NEU4: variants seen among roughly 807,000 people sequenced by gnomAD.
NEU4 encodes the protein sialidase-4.
A neutral mutation model predicts 9.9 loss-of-function variants in NEU4; 7 were observed. That is an observed-to-expected ratio of 0.71 (90% CI 0.40 to 1.33). NEU4 has a LOEUF of 1.33. Among genes scored for constraint, NEU4 ranks in the 40% most tolerant of loss-of-function variants. The pLI, the probability that NEU4 is intolerant of heterozygous loss-of-function variation, is 0.01. For synonymous variants in NEU4, 348 were observed against 316.9 expected, an observed-to-expected ratio of 1.10 and a Z score of -1.04; for missense variants, 717 against 712.6, an observed-to-expected ratio of 1.01 and a Z score of -0.07.
Position 241,816,873 on chromosome 2 carries a change from C to G in NEU4, c.1280C>G (p.Pro427Arg), listed in dbSNP as rs770027529. ...TACTCCGACCTGGCGTCCATCGGGC[C>G]GGCCCCTGAGGGGGGCCTGGTTTTT... ...SGYSDLASIG[P>R]APEGGLVFAC... is the part of the protein sequence containing the mutation. The change falls in exon 4 of 4, where the codon CCG becomes CGG. Residue 427 changes from proline to arginine, a missense_variant. By Grantham distance (103) the Pro-to-Arg change is moderately radical. Transcript: ENST00000407683. 4.3e-6 allele frequency: 7 copies of G among 1,612,578 alleles called. No homozygotes were observed. The highest frequency in any genetic ancestry group is 1.7e-4 in the Middle Eastern group (1 of 6,060).
At chr2:241,813,005 T>C (rs1015988926) in intron 1 of NEU4, among the ~76,000 whole-genome samples, 45 of 152,316 alleles carry the variant, frequency 3.0e-4, no homozygotes, top group Admixed American at 2.2e-3. Flanking sequence ...CAGGGGCTTC[T>C]TGGGGACGGA....
chr2:241,814,188 C>A, intron 1 of NEU4: 1 of 652,392 alleles, frequency 1.5e-6, no homozygotes, highest in Non-Finnish European at 2.9e-6. Flanking sequence ...TGCACCCTGG[C>A]ACCAACCAGC....
In NEU4 at chr2:241,817,167, A is replaced by C; in HGVS notation, c.*119A>C. The C allele has an allele frequency of 8.7e-7, 1 of 1,146,242 alleles. No individual in the cohort carries two copies. Among genetic ancestry groups the C allele is most frequent in the Non-Finnish European group, 1.2e-6 (1 of 838,618 alleles). 71.0% of individuals were successfully genotyped at this position (1,146,242 alleles called of 1,614,324 possible). ...TAGTGCAGGATCCTGTGGATTAGAA[A>C]CAAGTTGCTCCTCAGAGCTCTCAAG... On this transcript the variant is annotated 3_prime_UTR_variant, in exon 4 of 4. Coordinates refer to ENST00000407683, the MANE Select transcript of NEU4 (RefSeq NM_001167600.3).
chr2:241,815,669 T>C (rs536501866), intron 3 of NEU4: 8 of 518,982 alleles, frequency 1.5e-5, no homozygotes, highest in African/African-American at 1.5e-4. Flanking sequence ...CCCACAACTT[T>C]CCCTCCACCC....
rs922713691 is a variant in NEU4, at chr2:241,809,228, C to T, written c.-50C>T. 5 of 1,288,932 alleles carry T rather than the reference C, an allele frequency of 3.9e-6. No individual in the cohort carries two copies. Among genetic ancestry groups the T allele is most frequent in the Admixed American group, 2.3e-5 (1 of 43,544 alleles). The allele number at this position is 1,288,932 out of a possible 1,614,324, so 79.8% of individuals were successfully genotyped here. A position where few individuals can be genotyped will look rare whatever the true frequency, so the allele number is the denominator to read the frequency against. ...AAGAAATGAAGTTACAGGAGGGGCACACCGTCCTTTTGTCTCTGCCTTTGA... is the reference window on the plus strand; with the variant it reads ...AAGAAATGAAGTTACAGGAGGGGCATACCGTCCTTTTGTCTCTGCCTTTGA... On this transcript the variant is annotated 5_prime_UTR_variant, in exon 1 of 4. Transcript: ENST00000407683.
intron 1 of NEU4, chr2:241,811,274 C>A: frequency 7.9e-7 from 1 of 1,271,998 alleles, no homozygotes; most frequent in Non-Finnish European, 1.0e-6. Flanking sequence ...GGGTGCCCAT[C>A]TGCACCCCTG....
intron 1 of NEU4, chr2:241,811,412 A>G: frequency 6.4e-7 from 1 of 1,551,108 alleles, no homozygotes. Context: ...GCTCTGGGTC[A>G]GGCGAGGCAG....
rs751043984 is a variant in NEU4 at position 241,815,079 on chromosome 2, G to C, written c.389G>C (p.Arg130Pro). 1.3e-6 allele frequency: 2 copies of C among 1,579,886 alleles called. No individual in the cohort carries two copies. The highest frequency in any genetic ancestry group is 2.7e-5 in the African/African-American group (2 of 74,464). The change falls in exon 3 of 4, where the codon CGT becomes CCT. Residue 130 changes from arginine (R) to proline (P), a missense_variant. Coordinates refer to ENST00000407683, the MANE Select transcript of NEU4 (RefSeq NM_001167600.3). Reference protein sequence around the residue: ...NAARLCCVASRDAGLSWGSAR... With the variant: ...NAARLCCVASPDAGLSWGSAR... ...GCGCGCCTCTGCTGTGTGGCCAGCC[G>C]TGACGCCGGCCTCTCGTGGGGCAGC...
chr2:241,811,908 C>G (rs1232912208), intron 1 of NEU4: 1 of 171,310 alleles, frequency 5.8e-6, no homozygotes, highest in African/African-American at 2.4e-5. Flanking sequence ...CCAGGACGCT[C>G]ACGGTGCAGG....
intron 3 of NEU4, chr2:241,815,590 A>C (rs1700299219): frequency 4.1e-6 from 2 of 492,110 alleles, no homozygotes; most frequent in Non-Finnish European, 4.1e-6. Flanking sequence ...ACCAACAGCC[A>C]CCCCGCCCCA....
At chr2:241,810,320 T>C (rs1261620666) in intron 1 of NEU4, 2 of 152,010 alleles carry the variant, frequency 1.3e-5, no homozygotes, top group East Asian at 3.9e-4. Context: ...CGGGGGGCAT[T>C]CAGATGAGTC....
intron 1 of NEU4, chr2:241,811,373 T>G: frequency 6.8e-7 from 1 of 1,479,850 alleles, no homozygotes; most frequent in South Asian, 1.3e-5. Flanking sequence ...CTCCCTGGCC[T>G]GCTGCCCGCA....
intron 3 of NEU4, chr2:241,815,779 C>G (rs1156950980): frequency 5.1e-6 from 3 of 588,382 alleles, no homozygotes; most frequent in Non-Finnish European, 9.1e-6. Context: ...GCCTCATGCC[C>G]CCCGCCTGCC....
chr2:241,812,683 T>C (rs1453010867), intron 1 of NEU4, among the ~76,000 whole-genome samples: 1 of 149,216 alleles, frequency 6.7e-6, no homozygotes, highest in African/African-American at 2.6e-5. Context: ...ACCCAGGGCC[T>C]GGCCGTGGCA....
intron 1 of NEU4, chr2:241,811,003 G>A: frequency 9.7e-7 from 1 of 1,031,064 alleles, no homozygotes; most frequent in Non-Finnish European, 1.2e-6. Context: ...GTGCTGTGAG[G>A]GGCTGTGCTG....
chr2:241,811,087 G>A (rs368537287), intron 1 of NEU4: 217 of 1,170,648 alleles, frequency 1.9e-4, no homozygotes, highest in East Asian at 3.4e-4. Context: ...GCAGGGCCGC[G>A]TCTCTGGAGC....
chr2:241,815,287 G>A, intron 3 of NEU4, 140 bp downstream of exon 3: 1 of 1,170,018 alleles, frequency 8.5e-7, no homozygotes, highest in East Asian at 2.6e-5. Context: ...CCCCAGGACT[G>A]TTCTGCGCCT....
Position 241,817,102 on chromosome 2 carries a change from A to T in NEU4, c.*54A>T. ...TGGGTGCCTGGGGCAGAGGGGTGGA[A>T]TACGTTGGGGTGCCCCACGATAGCT... On this transcript the variant is annotated 3_prime_UTR_variant, in exon 4 of 4. Coordinates refer to ENST00000407683, the MANE Select transcript of NEU4 (RefSeq NM_001167600.3). 6.8e-7 allele frequency: 1 copy of T among 1,477,032 alleles called. No individual in the cohort carries two copies. Among genetic ancestry groups the T allele is most frequent in the African/African-American group, 1.4e-5 (1 of 71,462 alleles). The allele number at this position is 1,477,032 out of a possible 1,614,324, so 91.5% of individuals were successfully genotyped here.
At chr2:241,810,727 C>CGGGGACAGGCT (rs1700087085) in intron 1 of NEU4, 1 of 152,748 alleles carries the variant, frequency 6.5e-6, no homozygotes, top group East Asian at 2.0e-4. Flanking sequence ...AGGAGTCCTG[C>CGGGGACAGGCT]GGGGACAGGC....
Sources: allele counts gnomAD v4.1 joint callset (sites outside exome capture counted in the v4.1 genomes callset), GRCh38; gene constraint gnomAD v4.1.1; transcripts MANE v1.5; gene names NCBI Gene and HGNC (gene_info 2026-07-23, HGNC 2026-07-21).